Variants in CCDC180 observed in about 807,000 individuals in gnomAD.
CCDC180 encodes the protein coiled-coil domain containing 180.
In CCDC180, 154 loss-of-function variants were observed where a neutral mutation model predicts 209.2. The observed-to-expected ratio is 0.74, with a 90% confidence interval of 0.65 to 0.84. CCDC180 has a LOEUF of 0.84. Ranked by LOEUF, CCDC180 falls within the 40% of genes least tolerant of loss-of-function variation. The pLI is 0.00. For synonymous variants in CCDC180, 778 were observed against 749.1 expected (o/e 1.04, Z -0.63); for missense variants, 1,874 against 1,997.3 (o/e 0.94, Z 1.18).
chr9:97,330,089 A>AT (rs1825687073), intron 16 of CCDC180, 65 bp from the exon 17 acceptor site: 155 of 945,156 alleles, frequency 1.6e-4, no homozygotes, highest in Non-Finnish European at 2.4e-4. Context: ...AAAAAAAAAA[A>AT]GGTGGGGGGC....
At chr9:97,347,570 A>T in intron 20 of CCDC180, 81 bp downstream of exon 20, 1 of 1,330,902 alleles carries the variant, frequency 7.5e-7, no homozygotes, top group Non-Finnish European at 1.0e-6. Context: ...CATGTTCATT[A>T]GCTGCCCCAG....
chr9:97,349,199 G>T lies in CCDC180; in HGVS notation c.2763G>T (p.Gln921His). The T allele has an allele frequency of 6.5e-7, 1 of 1,536,550 alleles. No individual in the cohort carries two copies. The highest frequency in any genetic ancestry group is 1.4e-5 in the African/African-American group (1 of 73,162). Residue 921 changes from glutamine to histidine, a missense_variant, in exon 21 of 37, where the codon CAG (glutamine) becomes CAT (histidine). Transcript: ENST00000529487. ...TLKKKRLMFC[Q>H]FQEEQNVRSK... ...AGAAGAAGCGGCTGATGTTCTGCCA[G>T]TTCCAAGAAGAGCAAAACGTGAGGA...
chr9:97,350,297 C>G lies in CCDC180; in HGVS notation c.2856-112C>G, dbSNP rs1040126259. The G allele has an allele frequency of 1.5e-5, 16 of 1,043,944 alleles. No homozygotes were observed. The African/African-American group carries it at 2.5e-4, about 17-fold the overall frequency. 64.7% of individuals were successfully genotyped at this position (1,043,944 alleles called of 1,614,324 possible). A position where few individuals can be genotyped will look rare whatever the true frequency, so the allele number is the denominator to read the frequency against. ...CCTGTGTCCCCAGGCTGGTCATTAT[C>G]GTGACCGGCCCCTCCCTTGTCCCTC... On this transcript the variant is annotated intron_variant, in intron 21 of 36. Transcript: ENST00000529487.
chr9:97,323,905 T>G lies in CCDC180; in HGVS notation c.1371+2T>G. ...GAGGAGGACCTGGAGCTCTTGGACG[T>G]GCGTGCTGGGGACTGTTCCACTGGG... On this transcript the variant is annotated splice_donor_variant, in intron 13 of 36. Coordinates refer to ENST00000529487, the MANE Select transcript of CCDC180 (RefSeq NM_020893.6). LOFTEE classifies it high-confidence loss of function. 1 of 1,553,282 alleles carries G rather than the reference T, an allele frequency of 6.4e-7. No homozygotes were observed. Among genetic ancestry groups the G allele is most frequent in the Non-Finnish European group, 8.7e-7 (1 of 1,148,118 alleles).
At chr9:97,365,224 T>G (rs1329452758) in intron 29 of CCDC180, 1 of 155,914 alleles carries the variant, frequency 6.4e-6, no homozygotes, top group Non-Finnish European at 1.4e-5. Flanking sequence ...GAGTTACGTT[T>G]GTTTTCTAGC....
intron 24 of CCDC180, 45 bp from the exon 25 acceptor site, chr9:97,357,582 A>C (rs780244874): frequency 7.8e-7 from 1 of 1,278,428 alleles, no homozygotes; most frequent in Admixed American, 1.8e-5. Flanking sequence ...CCCAGATCAC[A>C]ATATGTATTC....
chr9:97,363,385 G>A (rs1430846341), intron 28 of CCDC180, among the ~76,000 whole-genome samples: 1 of 152,186 alleles, frequency 6.6e-6, no homozygotes, highest in Admixed American at 6.5e-5. Context: ...GACTTCCTGG[G>A]TGGCTTCTTG....
At chr9:97,347,850 G>A (rs764561973) in intron 20 of CCDC180, among the ~76,000 whole-genome samples, 3 of 152,152 alleles carry the variant, frequency 2.0e-5, no homozygotes, top group Non-Finnish European at 1.5e-5. Flanking sequence ...AGCTCAGGGA[G>A]TTGAAGCTCT....
At chr9:97,323,106 A>G (rs373781368) in intron 12 of CCDC180, among the ~76,000 whole-genome samples, 185 bp downstream of exon 12, 45 of 152,048 alleles carry the variant, frequency 3.0e-4, no homozygotes, top group East Asian at 1.6e-3. Context: ...CATAGCCCCA[A>G]TGCCTGGTGC....
rs765412824 is a variant in CCDC180, at chr9:97,314,663, C to T, written c.634C>T (p.Arg212Trp). Reference sequence around the variant, plus strand: ...TAAGGTGGCCGGGCGGTTACTGCTCCGGAAGCAGGAGATTAAGGAGCTGGA... The same window carrying T: ...TAAGGTGGCCGGGCGGTTACTGCTCTGGAAGCAGGAGATTAAGGAGCTGGA... ...WDKVAGRLLL[R>W]KQEIKELDEA... The change falls in exon 7 of 37, where the codon CGG becomes TGG. Residue 212 changes from arginine (R) to tryptophan (W), a missense_variant. Coordinates refer to ENST00000529487, the MANE Select transcript of CCDC180 (RefSeq NM_020893.6). 26 of 1,613,924 alleles carry T rather than the reference C, an allele frequency of 1.6e-5. No individual in the cohort carries two copies. Among genetic ancestry groups the T allele is most frequent in the East Asian group, 4.5e-5 (2 of 44,876 alleles).
intron 20 of CCDC180, 72 bp downstream of exon 20, chr9:97,347,561 A>G (rs1826298573): frequency 5.0e-6 from 7 of 1,403,922 alleles, no homozygotes; most frequent in African/African-American, 1.4e-5. Context: ...CCGCGGCTCC[A>G]TGTTCATTAG....
rs1015313360 is a variant in CCDC180, at chr9:97,309,568, C to T, written c.224C>T (p.Pro75Leu). The T allele has an allele frequency of 1.3e-6, 2 of 1,590,608 alleles. No individual in the cohort carries two copies. The highest frequency in any genetic ancestry group is 1.7e-6 in the Non-Finnish European group (2 of 1,170,030). ...CAGCAGAAGTGGATGCACAGCCTCC[C>T]CAACGACTGGATCATGGAAAACCCT... ...PRQQKWMHSL[P>L]NDWIMENPVL... The change falls in exon 3 of 37, where the codon CCC becomes CTC. Residue 75 changes from proline (P) to leucine (L), a missense_variant. Transcript: ENST00000529487.
chr9:97,313,230 C>T lies in CCDC180; in HGVS notation c.350-6C>T. ...CAGCCTCATCACCTCTGTTGTTGCT[C>T]CGCAGTTCCTGAGAAGATAAGCACC... On this transcript the variant is annotated splice_polypyrimidine_tract_variant and splice_region_variant and intron_variant, in intron 4 of 36. Transcript: ENST00000529487. 2 of 1,599,680 alleles carry T rather than the reference C, an allele frequency of 1.3e-6. No homozygotes were observed. Among genetic ancestry groups the T allele is most frequent in the Non-Finnish European group, 1.7e-6 (2 of 1,168,690 alleles).
At chr9:97,364,379 A>T in intron 29 of CCDC180, 1 of 438,600 alleles carries the variant, frequency 2.3e-6, no homozygotes, top group Non-Finnish European at 4.0e-6. Context: ...AGGGCAGGAG[A>T]CCCCATTCGA....
intron 22 of CCDC180, among the ~76,000 whole-genome samples, chr9:97,352,176 A>G (rs980701580): frequency 6.6e-6 from 1 of 152,236 alleles, no homozygotes; most frequent in African/African-American, 2.4e-5. Context: ...GATTAACGGG[A>G]AACCAATTTA....
intron 25 of CCDC180, among the ~76,000 whole-genome samples, chr9:97,359,414 C>T (rs1384780661): frequency 6.6e-6 from 1 of 152,150 alleles, no homozygotes; most frequent in Non-Finnish European, 1.5e-5. Flanking sequence ...GCTGGCTGGA[C>T]AGTCTGCAGA....
At chr9:97,374,701 T>C (rs1587840442) in intron 35 of CCDC180, 53 bp downstream of exon 35, 38 of 1,433,720 alleles carry the variant, frequency 2.7e-5, no homozygotes, top group Non-Finnish European at 3.4e-5. Context: ...CTGCTGGGGG[T>C]GGTGCAGTGT....
chr9:97,374,910 C>T (rs1472752088), intron 35 of CCDC180, among the ~76,000 whole-genome samples: 1 of 152,214 alleles, frequency 6.6e-6, no homozygotes, highest in Non-Finnish European at 1.5e-5. Flanking sequence ...TAAGGACCCA[C>T]CAAAGGGTCC....
At chr9:97,332,542 G>C (rs554694285) in intron 18 of CCDC180, among the ~76,000 whole-genome samples, 3 of 152,006 alleles carry the variant, frequency 2.0e-5, no homozygotes, top group East Asian at 3.9e-4. Flanking sequence ...GGTCATCTCT[G>C]ATTTCTTTGA....
Sources: allele counts gnomAD v4.1 joint callset (sites outside exome capture counted in the v4.1 genomes callset), GRCh38; gene constraint gnomAD v4.1.1; transcripts MANE v1.5; gene names NCBI Gene and HGNC (gene_info 2026-07-23, HGNC 2026-07-21).